The following ARHGEF28 variants were observed in gnomAD, a reference collection of about 807,000 sequenced individuals.
ARHGEF28 encodes Rho guanine nucleotide exchange factor 28.
In ARHGEF28, 152 loss-of-function variants were observed where a neutral mutation model predicts 206.6. The observed-to-expected ratio is 0.74, with a 90% CI of 0.64 to 0.84. The LOEUF is 0.84. ARHGEF28 is among the 40% of genes least tolerant of loss of function. ARHGEF28 has a pLI of 0.00. For synonymous variants in ARHGEF28, 763 were observed against 776.4 expected (o/e 0.98, Z 0.29); for missense variants, 2,028 against 2,073.2 (o/e 0.98, Z 0.42).
intron 4 of ARHGEF28, among the ~76,000 whole-genome samples, chr5:73,766,568 AACTC>A: frequency 6.6e-6 from 1 of 152,224 alleles, no homozygotes; most frequent in Non-Finnish European, 1.5e-5. Flanking sequence ...AGCAGATCCC[AACTC>A]TGGCTTTGCA....
chr5:73,914,391 C>CTTTTTTTT (rs571265796), intron 35 of ARHGEF28, among the ~76,000 whole-genome samples: 4 of 102,936 alleles, frequency 3.9e-5, no homozygotes, highest in African/African-American at 7.9e-5. Context: ...TTCTGAATTG[C>CTTTTTTTT]TTTTTTTTTT....
chr5:73,671,253 G>A (rs4704090), intron 1 of ARHGEF28, among the ~76,000 whole-genome samples: 111,633 of 152,026 alleles, frequency 0.73, 41,052 homozygotes, highest in East Asian at 0.82. Flanking sequence ...GCTTACAAAA[G>A]TAAGAGCAAG....
intron 1 of ARHGEF28, among the ~76,000 whole-genome samples, chr5:73,644,451 A>G (rs1561304803): frequency 1.3e-5 from 2 of 151,856 alleles, no homozygotes; most frequent in Admixed American, 6.6e-5. Context: ...TCCATACTCC[A>G]CTCTGCTGTC....
chr5:73,664,759 A>G (rs558882616), intron 1 of ARHGEF28, among the ~76,000 whole-genome samples: 2 of 152,278 alleles, frequency 1.3e-5, no homozygotes, highest in East Asian at 3.9e-4. Flanking sequence ...TTGATTCCCA[A>G]TGGCCTTAAC....
In ARHGEF28 at chr5:73,864,999, C is replaced by T. The variant is rs1759623694; in HGVS notation, c.2103+127C>T. 1.3e-5 allele frequency: 10 copies of T among 783,120 alleles called. No individual in the cohort carries two copies. In the East Asian group the frequency reaches 2.7e-4, roughly 21 times the overall value. 48.5% of individuals were successfully genotyped at this position (783,120 alleles called of 1,614,324 possible). ...AGCGATCATGATAGCGATAACATAA[C>T]ATATGCTCAAAGTGTATAGTTATTT... On this transcript the variant is annotated intron_variant, in intron 17 of 35. Coordinates refer to ENST00000513042, the MANE Select transcript of ARHGEF28 (RefSeq NM_001177693.2).
chr5:73,798,206 T>C (rs1173192823), intron 9 of ARHGEF28, among the ~76,000 whole-genome samples: 2 of 152,174 alleles, frequency 1.3e-5, no homozygotes, highest in African/African-American at 4.8e-5. Flanking sequence ...TCCCTTCAAG[T>C]ATGTATCTTT....
chr5:73,850,689 T>A (rs1298797537), intron 13 of ARHGEF28, among the ~76,000 whole-genome samples: 2 of 152,164 alleles, frequency 1.3e-5, no homozygotes, highest in Admixed American at 6.5e-5. Flanking sequence ...GGAAACTTAT[T>A]GTTCACAAGG....
At chr5:73,776,446 TCC>T (rs1753546565) in intron 5 of ARHGEF28, 68 bp from the exon 6 acceptor site, 6 of 1,400,956 alleles carry the variant, frequency 4.3e-6, no homozygotes, top group Non-Finnish European at 5.8e-6. Context: ...GGGGCAGTGA[TCC>T]TAAGGGCTGG....
intron 2 of ARHGEF28, among the ~76,000 whole-genome samples, chr5:73,741,341 ATGTGTGTGTGTGTGTGTGTGTGTG>A (rs369851573): frequency 1.5e-5 from 1 of 66,174 alleles, no homozygotes; most frequent in African/African-American, 7.1e-5. Flanking sequence ...TTAAATTTAT[ATGTGTGTGTGTGTGTGTGTGTGTG>A]TGTGTGTGTG....
In ARHGEF28 at chr5:73,714,343, C is replaced by CT. The variant is rs1749438220; in HGVS notation, c.33+29464dup. 2.0e-5 allele frequency among the ~76,000 whole-genome samples: 3 copies of CT among 152,128 alleles called. No individual in the cohort carries two copies. The South Asian group carries it at 6.2e-4, about 32-fold the overall frequency. On this transcript the variant is annotated intron_variant, in intron 2 of 35. Coordinates refer to ENST00000513042, the MANE Select transcript of ARHGEF28 (RefSeq NM_001177693.2). ...CAAGACTGAGCTCTTTCTGTTGGAACTTTTTCGAGTTTTTGAATAAAAGGT... is the reference window on the plus strand; with the variant it reads ...CAAGACTGAGCTCTTTCTGTTGGAACTTTTTTCGAGTTTTTGAATAAAAGGT...
rs749930941 is a variant in ARHGEF28, at chr5:73,868,084, C to G, written c.2298-16C>G. 1.2e-6 allele frequency: 2 copies of G among 1,612,754 alleles called. No homozygotes were observed. Among genetic ancestry groups the G allele is most frequent in the Non-Finnish European group, 8.5e-7 (1 of 1,179,360 alleles). On this transcript the variant is annotated splice_polypyrimidine_tract_variant and intron_variant, in intron 19 of 35. Transcript: ENST00000513042. ...GAGCTTCTGGGGCTAACTTTGCTCC[C>G]CTCCCTCTCTCCTAGCTTCAGGAGG...
At chr5:73,727,263 A>G (rs539909247) in intron 2 of ARHGEF28, among the ~76,000 whole-genome samples, 2 of 152,208 alleles carry the variant, frequency 1.3e-5, no homozygotes, top group South Asian at 4.1e-4. Flanking sequence ...AGAAACATAT[A>G]AAGAAACATT....
intron 1 of ARHGEF28, among the ~76,000 whole-genome samples, chr5:73,633,526 G>A (rs1342839127): frequency 6.6e-6 from 1 of 150,490 alleles, no homozygotes; most frequent in Non-Finnish European, 1.5e-5. Context: ...AAAGTGTTTA[G>A]CACAGAACCT....
At position 73,910,046 on chromosome 5, in the gene ARHGEF28, G is replaced by A. The variant is rs560805656; in HGVS notation, c.4647+149G>A. On this transcript the variant is annotated intron_variant, in intron 34 of 35. Coordinates refer to ENST00000513042, the MANE Select transcript of ARHGEF28 (RefSeq NM_001177693.2). ...TTCAATTTGTAGGTAGCCAAAGCTG[G>A]AAGCTTTCAGAGATAACGCATATCC... 1.1e-3 allele frequency: 1,337 copies of A among 1,253,264 alleles called. 5 individuals are homozygous for A. Among genetic ancestry groups the A allele is most frequent in the Non-Finnish European group, 1.3e-3 (1,271 of 962,820 alleles). 77.6% of individuals were successfully genotyped at this position (1,253,264 alleles called of 1,614,324 possible). A position where few individuals can be genotyped will look rare whatever the true frequency, so the allele number is the denominator to read the frequency against.
At chr5:73,697,412 A>G (rs1748285957) in intron 2 of ARHGEF28, among the ~76,000 whole-genome samples, 1 of 152,252 alleles carries the variant, frequency 6.6e-6, no homozygotes, top group African/African-American at 2.4e-5. Flanking sequence ...TTTATAAGAA[A>G]CAAAATGTAT....
chr5:73,785,345 C>T (rs1299529834), intron 7 of ARHGEF28, among the ~76,000 whole-genome samples: 2 of 152,152 alleles, frequency 1.3e-5, no homozygotes, highest in South Asian at 2.1e-4. Flanking sequence ...TCATAGAAAC[C>T]GTCTGTGAAA....
intron 10 of ARHGEF28, 105 bp downstream of exon 10, chr5:73,832,564 A>G (rs995804676): frequency 1.4e-6 from 2 of 1,407,480 alleles, no homozygotes; most frequent in African/African-American, 2.9e-5. Flanking sequence ...ATTTTAGCCT[A>G]AGAGCAGCAA....
chr5:73,704,297 A>G lies in ARHGEF28; in HGVS notation c.33+19413A>G, dbSNP rs992409636. Among the ~76,000 whole-genome samples, 5 of 152,212 alleles carry G rather than the reference A, an allele frequency of 3.3e-5. No individual in the cohort carries two copies. The South Asian group carries it at 1.0e-3, about 32-fold the overall frequency. On this transcript the variant is annotated intron_variant, in intron 2 of 35. Transcript: ENST00000513042. Reference sequence around the variant, plus strand: ...TACCTGTTAGAAAGTAACTGCTTCAATCTTCTTATTTTCATAGGTTGTCAC... The same window carrying G: ...TACCTGTTAGAAAGTAACTGCTTCAGTCTTCTTATTTTCATAGGTTGTCAC...
chr5:73,737,239 T>C (rs1369793932), intron 2 of ARHGEF28, among the ~76,000 whole-genome samples: 1 of 152,160 alleles, frequency 6.6e-6, no homozygotes, highest in African/African-American at 2.4e-5. Context: ...TGTTTCCAGA[T>C]TGCCATTCCT....
Sources: gnomAD v4.1 joint callset for allele counts (sites outside exome capture counted in the v4.1 genomes callset) on GRCh38, gnomAD v4.1.1 for gene constraint, MANE v1.5 for transcripts, NCBI Gene and HGNC (gene_info 2026-07-23, HGNC 2026-07-21) for gene names.